Variants in SFSWAP observed in about 807,000 individuals in gnomAD.
SFSWAP encodes the protein splicing factor, suppressor of white-apricot homolog.
A neutral mutation model predicts 100.7 loss-of-function variants in SFSWAP; 17 were observed. That is an observed-to-expected ratio of 0.17 (90% CI 0.12 to 0.25). The LOEUF (loss-of-function observed/expected upper bound fraction) is 0.25. SFSWAP is among the 10% of genes least tolerant of loss of function. The pLI is 1.00. For missense variants in SFSWAP, 1,005 were observed against 1,262.6 expected, an observed-to-expected ratio of 0.80 and a Z score of 3.09; for synonymous variants, 504 against 510.1, an observed-to-expected ratio of 0.99 and a Z score of 0.16.
intron 14 of SFSWAP, among the ~76,000 whole-genome samples, chr12:131,782,217 C>G (rs1884558420): frequency 6.6e-6 from 1 of 152,248 alleles, no homozygotes; most frequent in African/African-American, 2.4e-5. Flanking sequence ...CTCAGCTCTT[C>G]TGGGAACAGT....
intron 16 of SFSWAP, among the ~76,000 whole-genome samples, chr12:131,797,609 T>A (rs1885778751): frequency 6.6e-6 from 1 of 152,196 alleles, no homozygotes; most frequent in African/African-American, 2.4e-5. Flanking sequence ...AGTGGAGCAG[T>A]CCACTTGAAG....
intron 7 of SFSWAP, among the ~76,000 whole-genome samples, chr12:131,746,995 T>A (rs1486187852): frequency 6.6e-6 from 1 of 151,334 alleles, no homozygotes; most frequent in East Asian, 1.9e-4. Context: ...TCCCAGCTAC[T>A]CGGGAGGCTG....
intron 11 of SFSWAP, among the ~76,000 whole-genome samples, chr12:131,758,434 G>C (rs1172979306): frequency 2.0e-5 from 3 of 152,052 alleles, no homozygotes; most frequent in African/African-American, 4.8e-5. Flanking sequence ...AAAAGCACAG[G>C]CCAGCCTCTC....
intron 7 of SFSWAP, among the ~76,000 whole-genome samples, chr12:131,738,809 C>A (rs1393253829): frequency 6.6e-6 from 1 of 150,790 alleles, no homozygotes; most frequent in African/African-American, 2.4e-5. Context: ...GTGAAACAGC[C>A]CTCCATTAAT....
chr12:131,768,105 C>G (rs1327614013), intron 13 of SFSWAP, among the ~76,000 whole-genome samples: 2 of 152,242 alleles, frequency 1.3e-5, no homozygotes, highest in African/African-American at 2.4e-5. Flanking sequence ...AGAGTCGTTG[C>G]ATATGTGGTG....
chr12:131,783,393 A>G (rs1182157383), intron 14 of SFSWAP: 1 of 152,158 alleles, frequency 6.6e-6, no homozygotes, highest in Non-Finnish European at 1.5e-5. Flanking sequence ...TCATTTAGTT[A>G]TCTAAATGCA....
rs557636007 is a variant in SFSWAP, at chr12:131,771,646, G to A, written c.2142+5338G>A. Among the ~76,000 whole-genome samples the A allele has an allele frequency of 8.7e-4, 113 of 130,244 alleles. 1 individual carries two copies. The highest frequency in any genetic ancestry group is 3.1e-3 in the African/African-American group (109 of 35,504). The allele number at this position is 130,244 out of a possible 152,430, so 85.4% of individuals were successfully genotyped here. A position where few individuals can be genotyped will look rare whatever the true frequency, so the allele number is the denominator to read the frequency against. ...AGTAACACTGAGTCATTTTGCTAATGTCTCTTTTTTTTTTTTTTTTTTTTT... is the reference window on the plus strand; with the variant it reads ...AGTAACACTGAGTCATTTTGCTAATATCTCTTTTTTTTTTTTTTTTTTTTT... On this transcript the variant is annotated intron_variant, in intron 13 of 17. Transcript: ENST00000261674.
intron 7 of SFSWAP, among the ~76,000 whole-genome samples, chr12:131,729,780 G>A (rs1879330111): frequency 6.6e-6 from 1 of 152,176 alleles, no homozygotes; most frequent in African/African-American, 2.4e-5. Flanking sequence ...CTGGTACCCT[G>A]ACTCCATTTG....
intron 15 of SFSWAP, among the ~76,000 whole-genome samples, chr12:131,788,118 C>T (rs1012674247): frequency 2.6e-5 from 4 of 152,288 alleles, no homozygotes; most frequent in African/African-American, 4.8e-5. Context: ...AAATTAATTC[C>T]GTCTCAACAG....
chr12:131,720,317 A>G (rs548547702), intron 4 of SFSWAP, among the ~76,000 whole-genome samples: 4 of 152,214 alleles, frequency 2.6e-5, no homozygotes, highest in Non-Finnish European at 5.9e-5. Context: ...CCAGTGAAGA[A>G]ACTGAGACTT....
intron 7 of SFSWAP, among the ~76,000 whole-genome samples, chr12:131,745,754 C>A (rs1317744888): frequency 1.6e-5 from 2 of 123,668 alleles, no homozygotes; most frequent in Admixed American, 1.6e-4. Context: ...TTTAGTAAGG[C>A]TTTTTTTTTT....
chr12:131,746,844 C>A lies in SFSWAP; in HGVS notation c.1082-6279C>A, dbSNP rs1233072619. On this transcript the variant is annotated intron_variant, in intron 7 of 17. Transcript: ENST00000261674. ...TGCTGGCCGGGCATGCTGGCTCACGCCTATAATCCCAGCACTTTGGGAGGC... is the reference window on the plus strand; with the variant it reads ...TGCTGGCCGGGCATGCTGGCTCACGACTATAATCCCAGCACTTTGGGAGGC... Among the ~76,000 whole-genome samples, 4 of 152,288 alleles carry A rather than the reference C, an allele frequency of 2.6e-5. No homozygotes were observed. In the East Asian group the frequency reaches 7.7e-4, roughly 29 times the overall value.
At chr12:131,715,086 G>A in intron 3 of SFSWAP, 133 bp downstream of exon 3, 1 of 791,516 alleles carries the variant, frequency 1.3e-6, no homozygotes, top group South Asian at 2.4e-5. Context: ...GGAGAAAACG[G>A]GAGTGATATT....
At chr12:131,763,828 T>TG (rs1882874482) in intron 11 of SFSWAP, among the ~76,000 whole-genome samples, 1 of 152,066 alleles carries the variant, frequency 6.6e-6, no homozygotes, top group African/African-American at 2.4e-5. Flanking sequence ...TTTTTTTTTT[T>TG]TTTTAAAGAA....
chr12:131,734,640 G>A lies in SFSWAP; in HGVS notation c.1081+6212G>A, dbSNP rs1187578100. On this transcript the variant is annotated intron_variant, in intron 7 of 17. Coordinates refer to ENST00000261674, the MANE Select transcript of SFSWAP (RefSeq NM_004592.4). This position sits in a 1 kb window ranked among gnomAD's most constrained non-coding sequence, Gnocchi z 4.9. ...CTAGCCAGCGTGCTCCTTGCACCTC[G>A]ATCCAAGGGGCCACGGGGCTCCCAG... 6.6e-6 allele frequency among the ~76,000 whole-genome samples: 1 copy of A among 152,206 alleles called. No homozygotes were observed. Among genetic ancestry groups the A allele is most frequent in the African/African-American group, 2.4e-5 (1 of 41,448 alleles).
intron 1 of SFSWAP, chr12:131,712,595 A>G (rs1335276230): frequency 2.0e-5 from 3 of 152,224 alleles, no homozygotes; most frequent in South Asian, 4.1e-4. Flanking sequence ...GCCAGAATGG[A>G]CACATTAATG....
At position 131,755,495 on chromosome 12, in the gene SFSWAP, C is replaced by T; in HGVS notation, c.1548+16C>T. The T allele has an allele frequency of 6.3e-7, 1 of 1,582,480 alleles. No homozygotes were observed. Among genetic ancestry groups the T allele is most frequent in the Non-Finnish European group, 8.7e-7 (1 of 1,151,824 alleles). On this transcript the variant is annotated intron_variant, in intron 10 of 17. Transcript: ENST00000261674. ...TAGCATGCAGGTACGTGTCTGAATGCAGGGAGGCTGTGAAGCTCTTAGAGG... is the reference window on the plus strand; with the variant it reads ...TAGCATGCAGGTACGTGTCTGAATGTAGGGAGGCTGTGAAGCTCTTAGAGG...
Position 131,786,486 on chromosome 12 carries a change from G to A in SFSWAP, c.2432G>A (p.Arg811Lys), listed in dbSNP as rs1170117120. ...RSRSRSRSPR[R>K]RAHSPERRRE... ...AGGTCCCGCTCCCGGTCCCCTCGGA[G>A]GAGAGCCCACTCCCCTGAGAGACGG... Residue 811 changes from arginine (R) to lysine (K), a missense_variant, in exon 15 of 18, where the codon AGG becomes AAG. Physicochemically the swap from Arg to Lys is conservative, Grantham distance 26. Coordinates refer to ENST00000261674, the MANE Select transcript of SFSWAP (RefSeq NM_004592.4). 2.5e-6 allele frequency: 4 copies of A among 1,587,144 alleles called. No homozygotes were observed. The highest frequency in any genetic ancestry group is 3.4e-6 in the Non-Finnish European group (4 of 1,167,766).
At chr12:131,788,715 G>A (rs1487430896) in intron 15 of SFSWAP, among the ~76,000 whole-genome samples, 7 of 151,792 alleles carry the variant, frequency 4.6e-5, no homozygotes, top group Admixed American at 6.6e-5. Flanking sequence ...TCCTGGCCTC[G>A]AGTGATCAAC....
Sources: allele counts gnomAD v4.1 joint callset (sites outside exome capture counted in the v4.1 genomes callset), GRCh38; gene constraint gnomAD v4.1.1; non-coding constraint Gnocchi (gnomAD v3.1); transcripts MANE v1.5; gene names NCBI Gene and HGNC (gene_info 2026-07-23, HGNC 2026-07-21).